Variants in VSX1 observed in about 807,000 individuals in gnomAD.
The protein encoded by VSX1 is visual system homeobox 1, also known as homeodomain protein RINX.
In VSX1, 23 loss-of-function variants were observed where a neutral mutation model predicts 23.6. That is an observed-to-expected ratio of 0.97 (90% CI 0.70 to 1.38). The LOEUF (loss-of-function observed/expected upper bound fraction) is 1.38. Ranked by LOEUF, VSX1 falls within the 40% of genes most tolerant of loss-of-function variation. The pLI, the probability that VSX1 is intolerant of heterozygous loss-of-function variation, is 0.00. For missense variants in VSX1, 517 were observed against 495.4 expected, an observed-to-expected ratio of 1.04 and a Z score of -0.41; for synonymous variants, 247 against 215.1, an observed-to-expected ratio of 1.15 and a Z score of -1.30.
downstream of VSX1, among the ~76,000 whole-genome samples, chr20:25,074,025 T>G (rs1310470936): frequency 2.0e-5 from 3 of 152,234 alleles, no homozygotes. Context: ...ATTCCATGAT[T>G]TATTTTGTTT....
chr20:25,081,164 T>A (rs1406689233), intron 1 of VSX1, among the ~76,000 whole-genome samples: 2 of 152,188 alleles, frequency 1.3e-5, no homozygotes, highest in East Asian at 3.9e-4. Flanking sequence ...CGGGACTCCC[T>A]TTTCAGCACC....
chr20:25,081,678 G>T lies in VSX1; in HGVS notation c.419C>A (p.Thr140Lys). 1 of 1,518,136 alleles carries T rather than the reference G, an allele frequency of 6.6e-7. No individual in the cohort carries two copies. Among genetic ancestry groups the T allele is most frequent in the Non-Finnish European group, 8.8e-7 (1 of 1,139,844 alleles). 94.0% of individuals were successfully genotyped at this position (1,518,136 alleles called of 1,614,324 possible). Residue 140 changes from threonine (T) to lysine (K), a missense_variant, in exon 1 of 5, where the codon ACG (threonine) becomes AAG (lysine). Coordinates refer to ENST00000376709, the MANE Select transcript of VSX1 (RefSeq NM_014588.6). ...GRQKRSDSVS[T>K]SDEDSQSEDR... ...GAAAGCGCGGGCCTGATTACCGGAC[G>T]TGGAGACGCTGTCGCTGCGCTTCTG...
chr20:25,071,596 G>A (rs1030306481), downstream of VSX1: 8 of 496,062 alleles, frequency 1.6e-5, no homozygotes, highest in South Asian at 7.7e-5. Flanking sequence ...AAGCAGTTCC[G>A]AGTGATAGAC....
chr20:25,076,582 A>T, intron 4 of VSX1, 32 bp from the exon 5 acceptor site: 1 of 1,565,894 alleles, frequency 6.4e-7, no homozygotes, highest in Non-Finnish European at 8.6e-7. Context: ...AGGAAAAAAT[A>T]AAAATAAAAA....
rs1466513536 is a variant in VSX1 at position 25,076,519 on chromosome 20, C to A, written c.840G>T (p.Arg280Ser). The A allele has an allele frequency of 6.2e-7, 1 of 1,612,444 alleles. No homozygotes were observed. The highest frequency in any genetic ancestry group is 8.5e-7 in the Non-Finnish European group (1 of 1,179,654). The change falls in exon 5 of 5, where the codon AGG (arginine) becomes AGT (serine). Residue 280 changes from arginine (R) to serine (S), a missense_variant. Physicochemically the swap from Arg to Ser is moderately radical, Grantham distance 110. Transcript: ENST00000376709. Reference sequence around the variant, plus strand: ...CCAACTTATCTTCACTTCCTGGCTTCCTTATCATCCCCATGGATTTTTTAT... The same window carrying A: ...CCAACTTATCTTCACTTCCTGGCTTACTTATCATCCCCATGGATTTTTTAT... ...GMHKKSMGMI[R>S]KPGSEDKLAG...
chr20:25,082,025 C>T lies in VSX1; in HGVS notation c.72G>A (p.Arg24=). Residue 24 remains arginine, a synonymous_variant, in exon 1 of 5, where the codon AGG becomes AGA. Transcript: ENST00000376709. ...SRALVPGGSP[R]GSRPRGFAIT... ...TGGCGAAGCCCCGGGGGCGCGAGCC[C>T]CTAGGGGAACCGCCAGGCACCAGCG... is the stretch of plus-strand genomic sequence containing the variant. The T allele has an allele frequency of 6.5e-7, 1 of 1,536,418 alleles. No individual in the cohort carries two copies. Among genetic ancestry groups the T allele is most frequent in the South Asian group, 1.2e-5 (1 of 84,158 alleles).
Sources: gnomAD v4.1 joint callset for allele counts (sites outside exome capture counted in the v4.1 genomes callset) on GRCh38, gnomAD v4.1.1 for gene constraint, MANE v1.5 for transcripts, NCBI Gene and HGNC (gene_info 2026-07-23, HGNC 2026-07-21) for gene names.